Variants in EMSY observed in about 807,000 individuals in gnomAD.
EMSY encodes EMSY transcriptional repressor, BRCA2 interacting.
Under a neutral mutation model 134.6 loss-of-function variants are expected in EMSY, and 26 were observed. That is an observed-to-expected ratio of 0.19 (90% CI 0.14 to 0.27). The LOEUF (loss-of-function observed/expected upper bound fraction) is 0.27, where lower values mean the gene tolerates loss of function less well. Among genes scored for constraint, EMSY ranks in the 10% least tolerant of loss-of-function variants. EMSY has a pLI of 1.00. For missense variants in EMSY, 1,305 were observed against 1,611.4 expected (o/e 0.81, Z 3.26); for synonymous variants, 579 against 577.8 (o/e 1.00, Z -0.03).
At chr11:76,513,388 G>A in exon 10 of EMSY, 1 of 1,612,980 alleles carries the variant, frequency 6.2e-7, no homozygotes, top group Non-Finnish European at 8.5e-7. Flanking sequence ...TTTCAAAGGT[G>A]TTAAAATCAT....
intron 9 of EMSY, among the ~76,000 whole-genome samples, chr11:76,506,541 A>G (rs934501209): frequency 5.3e-4 from 81 of 152,360 alleles, no homozygotes; most frequent in African/African-American, 1.8e-3. Context: ...CCAACAGGAA[A>G]GTGGAAAATG....
At chr11:76,463,723 C>CAGAG in intron 6 of EMSY, 98 bp from the exon 8 acceptor site, 1 of 1,350,160 alleles carries the variant, frequency 7.4e-7, no homozygotes, top group Non-Finnish European at 1.0e-6. Flanking sequence ...TGGCTTAAGA[C>CAGAG]AGAGAGAGGA....
At chr11:76,526,699 G>T in intron 13 of EMSY, 64 bp downstream of exon 14, 1 of 1,419,444 alleles carries the variant, frequency 7.0e-7, no homozygotes, top group Non-Finnish European at 9.5e-7. Context: ...ATAATTCCCG[G>T]GTAGAAATTT....
exon 2 of EMSY, chr11:76,446,918 G>T (rs768985956): frequency 6.2e-7 from 1 of 1,609,300 alleles, no homozygotes. Flanking sequence ...AGCTCTTTGG[G>T]GCTACCAAAC....
At chr11:76,493,670 C>T (rs1314461856) in intron 8 of EMSY, among the ~76,000 whole-genome samples, 1 of 152,222 alleles carries the variant, frequency 6.6e-6, no homozygotes, top group Non-Finnish European at 1.5e-5. Context: ...GCTGAACACT[C>T]GTTCAGGAGA....
chr11:76,539,963 C>G (rs556090976), intron 17 of EMSY, among the ~76,000 whole-genome samples: 1 of 152,224 alleles, frequency 6.6e-6, no homozygotes, highest in South Asian at 2.1e-4. Flanking sequence ...ATGATATCCA[C>G]AGCCATATTG....
At chr11:76,486,832 T>C (rs1260177709) in intron 8 of EMSY, among the ~76,000 whole-genome samples, 1 of 152,198 alleles carries the variant, frequency 6.6e-6, no homozygotes, top group African/African-American at 2.4e-5. Context: ...AAGATGACAT[T>C]AACACTGCAG....
At chr11:76,533,830 G>A (rs537788570) in intron 14 of EMSY, among the ~76,000 whole-genome samples, 9 of 152,168 alleles carry the variant, frequency 5.9e-5, no homozygotes, top group Non-Finnish European at 1.3e-4. Context: ...ACATGTTACT[G>A]GTGCAAGCTC....
intron 6 of EMSY, among the ~76,000 whole-genome samples, chr11:76,462,217 C>G (rs954146373): frequency 3.3e-5 from 5 of 152,078 alleles, no homozygotes; most frequent in African/African-American, 1.2e-4. Flanking sequence ...CCAGCCTGGG[C>G]AACAGTGTGA....
intron 8 of EMSY, among the ~76,000 whole-genome samples, chr11:76,486,686 AGTCT>A (rs1949196155): frequency 6.6e-6 from 1 of 152,132 alleles, no homozygotes; most frequent in African/African-American, 2.4e-5. Context: ...ATACCTTCAG[AGTCT>A]GTCTGGAAGG....
chr11:76,505,115 A>T (rs1367197018), intron 9 of EMSY, among the ~76,000 whole-genome samples: 1 of 152,204 alleles, frequency 6.6e-6, no homozygotes, highest in Non-Finnish European at 1.5e-5. Flanking sequence ...GAATATATTA[A>T]ATAACATTAC....
chr11:76,452,082 G>A lies in EMSY; in HGVS notation c.170+125G>A. The A allele has an allele frequency of 9.2e-6, 5 of 543,094 alleles. No individual in the cohort carries two copies. The South Asian group carries it at 1.9e-4, about 21-fold the overall frequency. 33.6% of individuals were successfully genotyped at this position (543,094 alleles called of 1,614,324 possible). On this transcript the variant is annotated intron_variant, in intron 3 of 20. Coordinates refer to ENST00000334736, the Ensembl canonical transcript of EMSY. Reference sequence around the variant, plus strand: ...GAACAGAGGTGTTCAAATTGTTGGTGCTAAGAGACTCCATCCCAGTTGTGT... The same window carrying A: ...GAACAGAGGTGTTCAAATTGTTGGTACTAAGAGACTCCATCCCAGTTGTGT...
At chr11:76,445,941 A>G (rs1947368975) in intron 1 of EMSY, among the ~76,000 whole-genome samples, 1 of 151,854 alleles carries the variant, frequency 6.6e-6, no homozygotes. Context: ...AAGTAGGGGG[A>G]GGGGGGCTCA....
chr11:76,463,866 G>A (rs2135173839), exon 7 of EMSY: 1 of 1,614,158 alleles, frequency 6.2e-7, no homozygotes, highest in Non-Finnish European at 8.5e-7. Context: ...AAACGAAGGC[G>A]AACAAACTCT....
intron 11 of EMSY, among the ~76,000 whole-genome samples, chr11:76,517,302 A>G (rs1273519997): frequency 2.6e-5 from 4 of 152,194 alleles, no homozygotes; most frequent in African/African-American, 4.8e-5. Context: ...TGTAAGTGAG[A>G]AAATCCGATG....
At chr11:76,535,755 A>G (rs925547751) in intron 14 of EMSY, 140 bp from the exon 16 acceptor site, 2 of 592,754 alleles carry the variant, frequency 3.4e-6, no homozygotes, top group Admixed American at 7.9e-5. Context: ...CTAGGGGCTT[A>G]TAGTCTTCTT....
intron 3 of EMSY, among the ~76,000 whole-genome samples, chr11:76,452,219 T>G (rs1356782822): frequency 6.6e-6 from 1 of 152,226 alleles, no homozygotes; most frequent in Non-Finnish European, 1.5e-5. Flanking sequence ...GCAGTTTATC[T>G]TACTTTTAGC....
At chr11:76,515,157 G>A (rs1248625394) in intron 10 of EMSY, among the ~76,000 whole-genome samples, 1 of 146,690 alleles carries the variant, frequency 6.8e-6, no homozygotes, top group African/African-American at 2.5e-5. Context: ...CCCTTTTTGG[G>A]TAATGGTTGT....
At chr11:76,544,524 C>G in exon 19 of EMSY, 3 of 1,614,122 alleles carry the variant, frequency 1.9e-6, no homozygotes, top group Non-Finnish European at 2.5e-6. Context: ...CACAAACTCC[C>G]GCAAATGCCC....
Sources: allele counts gnomAD v4.1 joint callset (sites outside exome capture counted in the v4.1 genomes callset), GRCh38; gene constraint gnomAD v4.1.1; transcripts MANE v1.5; gene names NCBI Gene and HGNC (gene_info 2026-07-23, HGNC 2026-07-21).